IFT46: variants seen among roughly 807,000 people sequenced by gnomAD.
IFT46 encodes the protein intraflagellar transport protein 46 homolog.
A neutral mutation model predicts 39.6 loss-of-function variants in IFT46; 19 were observed. That is an observed-to-expected ratio of 0.48 (90% confidence interval 0.33 to 0.70). The LOEUF is 0.70. Ranked by LOEUF, IFT46 falls within the 30% of genes least tolerant of loss-of-function variation. The pLI is 0.01. For missense variants in IFT46, 334 were observed against 364.8 expected (o/e 0.92, Z 0.69); for synonymous variants, 117 against 134.8 (o/e 0.87, Z 0.91).
chr11:118,568,280 T>A (rs1257886749), upstream of IFT46, among the ~76,000 whole-genome samples: 1 of 152,210 alleles, frequency 6.6e-6, no homozygotes, highest in Non-Finnish European at 1.5e-5. Flanking sequence ...CCAGGTGAAG[T>A]GGCTCACGCC....
chr11:118,563,697 G>A (rs111901016), intron 2 of IFT46, among the ~76,000 whole-genome samples: 1 of 152,244 alleles, frequency 6.6e-6, no homozygotes, highest in Non-Finnish European at 1.5e-5. Context: ...CTACCTCTCT[G>A]ATCTGACCAT....
At chr11:118,564,268 A>G (rs1342369806) in intron 2 of IFT46, among the ~76,000 whole-genome samples, 4 of 151,030 alleles carry the variant, frequency 2.6e-5, no homozygotes, top group African/African-American at 9.7e-5. Context: ...ATCTGCCTCC[A>G]TCAGTGTGCA....
chr11:118,547,667 C>G (rs1192020558), intron 9 of IFT46, among the ~76,000 whole-genome samples: 1 of 152,068 alleles, frequency 6.6e-6, no homozygotes, highest in African/African-American at 2.4e-5. Flanking sequence ...GGTGATCCAC[C>G]TGCCTCAGCC....
At chr11:118,566,469 G>A (rs1555071522), upstream of IFT46, among the ~76,000 whole-genome samples, 1 of 152,108 alleles carries the variant, frequency 6.6e-6, no homozygotes, top group Non-Finnish European at 1.5e-5. Flanking sequence ...AAGGCGGGCG[G>A]ATCACGAGGT....
chr11:118,555,119 A>C (rs1565347781), intron 5 of IFT46, 36 bp from the exon 6 acceptor site: 1 of 1,565,168 alleles, frequency 6.4e-7, no homozygotes, highest in Admixed American at 1.7e-5. Flanking sequence ...GGAGACAGTC[A>C]GAAAAAGTTA....
chr11:118,575,235 C>T (rs1938464750), upstream of IFT46, among the ~76,000 whole-genome samples: 1 of 152,174 alleles, frequency 6.6e-6, no homozygotes, highest in Non-Finnish European at 1.5e-5. Flanking sequence ...GCCTCGGCCT[C>T]CCAAAGTGCT....
intron 4 of IFT46, 55 bp from the exon 5 acceptor site, chr11:118,555,377 G>C (rs1165820382): frequency 7.4e-7 from 1 of 1,346,050 alleles, no homozygotes; most frequent in East Asian, 2.3e-5. Context: ...AGAGGTGGCA[G>C]GGTCCTAGGT....
chr11:118,567,832 C>G (rs1357762038), upstream of IFT46, among the ~76,000 whole-genome samples: 1 of 152,172 alleles, frequency 6.6e-6, no homozygotes, highest in Non-Finnish European at 1.5e-5. Flanking sequence ...TAGATTATAT[C>G]ATCTAATTTA....
intron 3 of IFT46, chr11:118,557,909 G>A: frequency 6.4e-7 from 1 of 1,555,282 alleles, no homozygotes; most frequent in Non-Finnish European, 8.7e-7. Flanking sequence ...TGACCAATTG[G>A]CCCCCTTTAA....
At chr11:118,551,498 A>C (rs1951800544) in intron 9 of IFT46, among the ~76,000 whole-genome samples, 1 of 151,876 alleles carries the variant, frequency 6.6e-6, no homozygotes, top group Non-Finnish European at 1.5e-5. Context: ...ACAAAGCAAG[A>C]CCTCGTCTCT....
intron 9 of IFT46, 75 bp downstream of exon 9, chr11:118,551,711 A>C: frequency 4.4e-6 from 4 of 906,490 alleles, no homozygotes; most frequent in Non-Finnish European, 7.1e-6. Flanking sequence ...ATAATAATGG[A>C]GGAAGAGAAA....
chr11:118,558,050 G>A (rs531521912), intron 3 of IFT46, among the ~76,000 whole-genome samples: 9 of 152,230 alleles, frequency 5.9e-5, no homozygotes, highest in African/African-American at 1.9e-4. Flanking sequence ...ATTGTGACAC[G>A]TTACAGGACA....
At chr11:118,554,345 C>A in intron 7 of IFT46, 114 bp downstream of exon 7, 1 of 1,100,554 alleles carries the variant, frequency 9.1e-7, no homozygotes, top group Non-Finnish European at 1.3e-6. Flanking sequence ...CGTGAGCCAC[C>A]GCACCCAGGC....
upstream of IFT46, among the ~76,000 whole-genome samples, chr11:118,568,457 C>T (rs1225890860): frequency 6.6e-6 from 1 of 152,020 alleles, no homozygotes; most frequent in African/African-American, 2.4e-5. Context: ...GAGGCTGAGA[C>T]AGGAGAATCG....
chr11:118,572,950 GTT>G (rs1938385152), exon 1 of IFT46: 1 of 230,740 alleles, frequency 4.3e-6, no homozygotes, highest in African/African-American at 2.3e-5. Context: ...GTCTCCGGAG[GTT>G]CTGGTCCTTC....
chr11:118,574,224 G>T (rs1439883015), upstream of IFT46, among the ~76,000 whole-genome samples: 2 of 152,178 alleles, frequency 1.3e-5, no homozygotes, highest in Non-Finnish European at 2.9e-5. Flanking sequence ...GTACTCTGGA[G>T]AACAATTTAT....
chr11:118,572,432 A>T (rs1165208626), intron 1 of IFT46: 4 of 932,402 alleles, frequency 4.3e-6, no homozygotes, highest in Non-Finnish European at 5.8e-6. Flanking sequence ...GCGAAGCGGC[A>T]GCGGTTCCTG....
At chr11:118,572,496 C>T (rs1938366592) in intron 1 of IFT46, 4 of 1,607,584 alleles carry the variant, frequency 2.5e-6, no homozygotes, top group African/African-American at 1.3e-5. Context: ...CAGACCCTAC[C>T]CCTATCCCCA....
Position 118,552,248 on chromosome 11 carries a change from G to A in IFT46, c.571C>T (p.Arg191Cys), listed in dbSNP as rs782595984. 14 of 1,614,106 alleles carry A rather than the reference G, an allele frequency of 8.7e-6. No homozygotes were observed. Among genetic ancestry groups the A allele is most frequent in the East Asian group, 4.5e-5 (2 of 44,886 alleles). Residue 191 changes from arginine (R) to cysteine (C), a missense_variant, in exon 8 of 12, where the codon CGT becomes TGT. Coordinates refer to ENST00000264021, the MANE Select transcript of IFT46 (RefSeq NM_001168618.2). ...TWIESISELH[R>C]SKPPATVHYT... ...TGCACAGTCGCAGGGGGCTTAGAAC[G>A]GTGTAATTCAGAGATGCTCTCAATC...
Sources: gnomAD v4.1 joint callset for allele counts (sites outside exome capture counted in the v4.1 genomes callset) on GRCh38, gnomAD v4.1.1 for gene constraint, MANE v1.5 for transcripts, NCBI Gene and HGNC (gene_info 2026-07-23, HGNC 2026-07-21) for gene names.